The following ALPK2 variants were observed in gnomAD, a reference collection of about 807,000 sequenced individuals.
The protein encoded by ALPK2 is alpha kinase 2.
Under a neutral mutation model 163.1 loss-of-function variants are expected in ALPK2, and 127 were observed. The ratio of observed to expected loss-of-function variants is 0.78; its 90% CI spans 0.67 to 0.90. ALPK2 has a LOEUF of 0.90. Ranked by LOEUF, ALPK2 falls within the 40% of genes least tolerant of loss-of-function variation. The pLI is 0.00. For synonymous variants in ALPK2, 953 were observed against 959.1 expected, an observed-to-expected ratio of 0.99 and a Z score of 0.12; for missense variants, 2,360 against 2,589.6, an observed-to-expected ratio of 0.91 and a Z score of 1.92.
Position 58,538,044 on chromosome 18 carries a change from A to G in ALPK2, c.2143T>C (p.Cys715Arg). 1 of 1,614,158 alleles carries G rather than the reference A, an allele frequency of 6.2e-7. No homozygotes were observed. The highest frequency in any genetic ancestry group is 1.3e-5 in the African/African-American group (1 of 75,036). The change falls in exon 5 of 13, where the codon TGT becomes CGT. Residue 715 changes from cysteine (C) to arginine (R), a missense_variant. Coordinates refer to ENST00000361673, the MANE Select transcript of ALPK2 (RefSeq NM_052947.4). ...AQHSEVKPCT[C>R]GPQHEEKQDR... ...TGTTTTTCTTCATGCTGTGGACCACAGGTACAGGGTTTGACCTCCGAGTGT... is the reference window on the plus strand; with the variant it reads ...TGTTTTTCTTCATGCTGTGGACCACGGGTACAGGGTTTGACCTCCGAGTGT...
At chr18:58,580,778 C>T (rs552932613) in intron 3 of ALPK2, 53 of 546,660 alleles carry the variant, frequency 9.7e-5, no homozygotes, top group East Asian at 4.6e-4. Context: ...CTTTCCTCAA[C>T]GCTGCCTCAA....
At chr18:58,541,312 A>C (rs2051688537) in intron 4 of ALPK2, among the ~76,000 whole-genome samples, 1 of 152,220 alleles carries the variant, frequency 6.6e-6, no homozygotes, top group Non-Finnish European at 1.5e-5. Flanking sequence ...GCACACTTTT[A>C]AACAACCAGA....
At chr18:58,597,491 C>T (rs1366216524) in intron 3 of ALPK2, among the ~76,000 whole-genome samples, 2 of 152,160 alleles carry the variant, frequency 1.3e-5, no homozygotes, top group African/African-American at 4.8e-5. Context: ...ATACGGAAAT[C>T]GTGGCAGACA....
intron 1 of ALPK2, among the ~76,000 whole-genome samples, chr18:58,619,325 T>G (rs1185939160): frequency 6.6e-6 from 1 of 152,190 alleles, no homozygotes; most frequent in African/African-American, 2.4e-5. Flanking sequence ...TTCTAAAGGT[T>G]GGTGTAAGAA....
At position 58,518,750 on chromosome 18, in the gene ALPK2, G is replaced by A. The variant is rs554612912; in HGVS notation, c.5666-1568C>T. 4.6e-5 allele frequency among the ~76,000 whole-genome samples: 7 copies of A among 152,304 alleles called. No homozygotes were observed. In the South Asian group the frequency reaches 1.5e-3, roughly 32 times the overall value. On this transcript the variant is annotated intron_variant, in intron 8 of 12. Transcript: ENST00000361673. ...AAGCATTAATGAGAATCCAGATGCT[G>A]GGAGATTTTCCAGGGCTGTGGAAAT...
At chr18:58,576,012 A>G (rs964451396) in intron 4 of ALPK2, among the ~76,000 whole-genome samples, 1 of 152,262 alleles carries the variant, frequency 6.6e-6, no homozygotes, top group Non-Finnish European at 1.5e-5. Context: ...AATACTAGGA[A>G]GTAAACTGCT....
At chr18:58,591,695 G>A (rs2052015635) in intron 3 of ALPK2, among the ~76,000 whole-genome samples, 1 of 152,180 alleles carries the variant, frequency 6.6e-6, no homozygotes, top group South Asian at 2.1e-4. Context: ...GTGGAAGGAG[G>A]CAGGAAAGCT....
chr18:58,489,242 G>A (rs561687322), intron 12 of ALPK2, among the ~76,000 whole-genome samples: 15 of 152,302 alleles, frequency 9.8e-5, no homozygotes, highest in South Asian at 6.2e-4. Flanking sequence ...GGGAGATGCC[G>A]TCGGAGGATG....
At chr18:58,503,780 C>A in intron 11 of ALPK2, 151 bp downstream of exon 11, 1 of 635,052 alleles carries the variant, frequency 1.6e-6, no homozygotes. Flanking sequence ...AATCTTGTTT[C>A]TGAGGAGGCA....
At chr18:58,566,110 C>G (rs2051851921) in intron 4 of ALPK2, among the ~76,000 whole-genome samples, 1 of 152,136 alleles carries the variant, frequency 6.6e-6, no homozygotes, top group South Asian at 2.1e-4. Flanking sequence ...TCTTATATCT[C>G]TCAAGATCAT....
intron 3 of ALPK2, 63 bp from the exon 4 acceptor site, chr18:58,580,611 C>T: frequency 1.5e-6 from 2 of 1,311,550 alleles, no homozygotes; most frequent in African/African-American, 1.5e-5. Context: ...AACATTTTCA[C>T]ACCATGGCAC....
chr18:58,556,909 C>T (rs994666971), intron 4 of ALPK2, among the ~76,000 whole-genome samples: 22 of 152,180 alleles, frequency 1.4e-4, no homozygotes, highest in Admixed American at 9.8e-4. Flanking sequence ...TCATGACAAA[C>T]GCTACCTACT....
intron 12 of ALPK2, among the ~76,000 whole-genome samples, chr18:58,494,144 T>A (rs150246154): frequency 0.014 from 2,148 of 152,322 alleles, 29 homozygotes; most frequent in Admixed American, 0.025. Flanking sequence ...TAGGCCTTTT[T>A]TCCTTGTGTA....
At chr18:58,593,437 G>A (rs1024086886) in intron 3 of ALPK2, among the ~76,000 whole-genome samples, 24 of 151,450 alleles carry the variant, frequency 1.6e-4, no homozygotes, top group Admixed American at 1.2e-3. Flanking sequence ...TGTGGCATGC[G>A]CCTGTAATCC....
chr18:58,495,966 G>T (rs1377365048), intron 12 of ALPK2, among the ~76,000 whole-genome samples: 1 of 152,212 alleles, frequency 6.6e-6, no homozygotes, highest in Non-Finnish European at 1.5e-5. Context: ...AACACATGGA[G>T]CCTGGAAAGG....
At chr18:58,574,994 A>T (rs146155671) in intron 4 of ALPK2, among the ~76,000 whole-genome samples, 17,918 of 152,074 alleles carry the variant, frequency 0.12, 1,132 homozygotes, top group East Asian at 0.18. Flanking sequence ...CAGGTGGATC[A>T]CCTGAGGTCG....
At chr18:58,523,181 G>A (rs1057074959) in intron 8 of ALPK2, among the ~76,000 whole-genome samples, 1 of 148,308 alleles carries the variant, frequency 6.7e-6, no homozygotes, top group Admixed American at 6.8e-5. Context: ...TTTTGTCCTT[G>A]CGATAGTTTA....
In ALPK2 at chr18:58,536,093, C is replaced by A; in HGVS notation, c.4094G>T (p.Gly1365Val). 1 of 1,614,140 alleles carries A rather than the reference C, an allele frequency of 6.2e-7. No individual in the cohort carries two copies. Among genetic ancestry groups the A allele is most frequent in the Non-Finnish European group, 8.5e-7 (1 of 1,180,022 alleles). The change falls in exon 5 of 13, where the codon GGG becomes GTG. Residue 1365 changes from glycine (G) to valine (V), a missense_variant. Coordinates refer to ENST00000361673, the MANE Select transcript of ALPK2 (RefSeq NM_052947.4). The stretch of plus-strand genomic sequence containing the variant: ...ACTCACATTGTTAACATTTTCCTTC[C>A]CTCCAGTTTCAGAAGCCGCTGACAG... ...DSLSAASETG[G>V]KENVNNVSQD...
intron 3 of ALPK2, chr18:58,600,612 C>G (rs115260401): frequency 5.0e-4 from 76 of 152,320 alleles, no homozygotes; most frequent in African/African-American, 1.7e-3. Flanking sequence ...AATGCCGACA[C>G]ATTACTGAAG....
Sources: allele counts gnomAD v4.1 joint callset (sites outside exome capture counted in the v4.1 genomes callset), GRCh38; gene constraint gnomAD v4.1.1; transcripts MANE v1.5; gene names NCBI Gene and HGNC (gene_info 2026-07-23, HGNC 2026-07-21).